Variants in IPO11 observed in about 807,000 individuals in gnomAD.
IPO11 encodes importin 11, also known as importin-11.
In IPO11, 66 loss-of-function variants were observed where a neutral mutation model predicts 143.2. That is an observed-to-expected ratio of 0.46 (90% CI 0.38 to 0.57). IPO11 has a LOEUF of 0.57. IPO11 is among the 20% of genes least tolerant of loss of function. The pLI, the probability that IPO11 is intolerant of heterozygous loss-of-function variation, is 0.00. For missense variants in IPO11, 1,026 were observed against 1,141.0 expected, an observed-to-expected ratio of 0.90 and a Z score of 1.45; for synonymous variants, 385 against 377.8, an observed-to-expected ratio of 1.02 and a Z score of -0.22.
chr5:62,551,393 T>C, intron 26 of IPO11, 57 bp downstream of exon 26: 1 of 935,262 alleles, frequency 1.1e-6, no homozygotes, highest in Non-Finnish European at 1.7e-6. Flanking sequence ...AAATTAGAAA[T>C]AGTTTGATGA....
chr5:62,569,294 C>T (rs1203032182), intron 27 of IPO11, among the ~76,000 whole-genome samples: 3 of 152,168 alleles, frequency 2.0e-5, no homozygotes, highest in Non-Finnish European at 4.4e-5. Context: ...GTTCTTTCTT[C>T]CCCTTTCAAT....
chr5:62,610,273 A>G (rs192909268), intron 29 of IPO11, among the ~76,000 whole-genome samples: 1 of 152,178 alleles, frequency 6.6e-6, no homozygotes, highest in Admixed American at 6.5e-5. Context: ...TTCAAAAATT[A>G]CTGAAATGAT....
At chr5:62,421,189 C>T (rs990830875) in intron 1 of IPO11, among the ~76,000 whole-genome samples, 1 of 152,082 alleles carries the variant, frequency 6.6e-6, no homozygotes, top group Non-Finnish European at 1.5e-5. Context: ...CTGCTTACAC[C>T]CTTTGTTCAC....
intron 15 of IPO11, 21 bp from the exon 16 acceptor site, chr5:62,493,977 T>G: frequency 6.3e-7 from 1 of 1,589,042 alleles, no homozygotes; most frequent in South Asian, 1.2e-5. Context: ...CATTTTAATT[T>G]CATGATTTTT....
intron 27 of IPO11, among the ~76,000 whole-genome samples, chr5:62,569,199 C>T (rs1476320082): frequency 6.6e-6 from 1 of 152,126 alleles, no homozygotes; most frequent in African/African-American, 2.4e-5. Context: ...AAACTTCCTT[C>T]TCTCTCTCCC....
intron 21 of IPO11, among the ~76,000 whole-genome samples, chr5:62,527,878 G>A (rs1742417737): frequency 1.3e-5 from 2 of 152,150 alleles, no homozygotes; most frequent in African/African-American, 4.8e-5. Context: ...AAACATAGGT[G>A]CCAATCCCAG....
intron 25 of IPO11, among the ~76,000 whole-genome samples, 168 bp from the exon 26 acceptor site, chr5:62,551,055 A>G (rs976448645): frequency 4.0e-5 from 6 of 151,168 alleles, no homozygotes; most frequent in African/African-American, 1.5e-4. Flanking sequence ...TATAATTCAT[A>G]TATGTATTTA....
At chr5:62,595,477 CAT>C (rs1310016250) in intron 28 of IPO11, among the ~76,000 whole-genome samples, 6 of 152,084 alleles carry the variant, frequency 3.9e-5, no homozygotes, top group Non-Finnish European at 8.8e-5. Flanking sequence ...GTCCTCATAA[CAT>C]ATTGAACAGG....
chr5:62,435,120 A>ATG lies in IPO11; in HGVS notation c.-6-2153_-6-2152insGT, dbSNP rs1561308850. 1.7e-3 allele frequency among the ~76,000 whole-genome samples: 185 copies of ATG among 106,482 alleles called. 12 individuals carry two copies. Among genetic ancestry groups the ATG allele is most frequent in the Admixed American group, 0.016 (164 of 10,182 alleles). 69.9% of individuals were successfully genotyped at this position (106,482 alleles called of 152,430 possible). On this transcript the variant is annotated intron_variant, in intron 1 of 29. Transcript: ENST00000325324. ...TATATGTATATATATGTATATATGT[A>ATG]TATATGTATATATATGTATATATGT...
intron 19 of IPO11, among the ~76,000 whole-genome samples, chr5:62,514,817 T>C (rs1478199995): frequency 6.6e-6 from 1 of 152,244 alleles, no homozygotes; most frequent in East Asian, 1.9e-4. Flanking sequence ...AAAATCTGAT[T>C]AACTTAATCC....
Position 62,506,338 on chromosome 5 carries a change from T to G in IPO11, c.1763T>G (p.Ile588Ser). The G allele has an allele frequency of 1.9e-6, 3 of 1,602,312 alleles. No individual in the cohort carries two copies. The highest frequency in any genetic ancestry group is 2.6e-6 in the Non-Finnish European group (3 of 1,170,820). The change falls in exon 19 of 30, where the codon ATC becomes AGC. Residue 588 changes from isoleucine to serine, a missense_variant. Transcript: ENST00000325324. The stretch of plus-strand genomic sequence containing the variant: ...GTTTTGCATGTCCTTTCTTGTGTGA[T>G]CGAAAGAGTCAACATGCAGGTAATT... ...MHVLHVLSCV[I>S]ERVNMQIRPY...
At chr5:62,446,734 C>A (rs1001863998) in intron 3 of IPO11, among the ~76,000 whole-genome samples, 3 of 152,086 alleles carry the variant, frequency 2.0e-5, no homozygotes, top group Non-Finnish European at 2.9e-5. Context: ...CTTGGGAGGC[C>A]GAGGCGGGCA....
At position 62,484,113 on chromosome 5, in the gene IPO11, A is replaced by G. The variant is rs772284167; in HGVS notation, c.1125A>G (p.Leu375=). The change falls in exon 11 of 30, where the codon CTA becomes CTG. Residue 375 remains leucine, a synonymous_variant. Transcript: ENST00000325324. ...GAAGATTAGTCTCTCATTATTTCCT[A>G]TTAACTGAAGAAGAACTGACAATGT... ...ICRRLVSHYF[L]LTEEELTMWE... 43 of 1,609,836 alleles carry G rather than the reference A, an allele frequency of 2.7e-5. No individual in the cohort carries two copies. Among genetic ancestry groups the G allele is most frequent in the East Asian group, 9.0e-5 (4 of 44,608 alleles).
chr5:62,502,680 T>C (rs1192149967), intron 16 of IPO11, among the ~76,000 whole-genome samples: 5 of 152,330 alleles, frequency 3.3e-5, no homozygotes, highest in African/African-American at 4.8e-5. Flanking sequence ...CATTTACTTA[T>C]TTGCATAAAT....
intron 29 of IPO11, among the ~76,000 whole-genome samples, chr5:62,624,858 A>G (rs965470315): frequency 6.6e-6 from 1 of 151,644 alleles, no homozygotes; most frequent in Non-Finnish European, 1.5e-5. Context: ...AGTGGCAGGC[A>G]CCTGTAGTCC....
chr5:62,442,926 T>G (rs1744546301), intron 2 of IPO11, 57 bp from the exon 3 acceptor site: 2 of 954,566 alleles, frequency 2.1e-6, no homozygotes, highest in South Asian at 1.6e-5. Context: ...GTGGGTACAT[T>G]AATTATACTT....
chr5:62,580,476 G>A (rs1156240679), intron 27 of IPO11: 4 of 1,551,256 alleles, frequency 2.6e-6, no homozygotes, highest in East Asian at 4.9e-5. Context: ...GGGTCCTTAA[G>A]CCGTTGTCTT....
intron 20 of IPO11, among the ~76,000 whole-genome samples, chr5:62,523,040 T>C (rs1398281601): frequency 6.6e-6 from 1 of 152,234 alleles, no homozygotes; most frequent in East Asian, 1.9e-4. Context: ...TCAGTCTTTT[T>C]TCTGTAGTGT....
chr5:62,513,239 C>T (rs531870143), intron 19 of IPO11, among the ~76,000 whole-genome samples: 6 of 152,022 alleles, frequency 3.9e-5, no homozygotes, highest in South Asian at 4.1e-4. Flanking sequence ...CCCTCCCAGA[C>T]GGGGCGGGTG....
Sources: allele counts gnomAD v4.1 joint callset (sites outside exome capture counted in the v4.1 genomes callset), GRCh38; gene constraint gnomAD v4.1.1; transcripts MANE v1.5; gene names NCBI Gene and HGNC (gene_info 2026-07-23, HGNC 2026-07-21).